Variants in TAP2 observed in about 807,000 individuals in gnomAD.
TAP2 encodes transporter 2, ATP binding cassette subfamily B member.
TAP2 carries 49 observed loss-of-function variants against 74.7 expected under a neutral mutation model. The observed-to-expected ratio is 0.66, with a 90% CI of 0.52 to 0.83. The LOEUF is 0.83. TAP2 is among the 40% of genes least tolerant of loss of function. The probability of loss-of-function intolerance (pLI) is 0.00; values close to 1 mark genes in which losing one functional copy is unlikely to be tolerated. For missense variants in TAP2, 739 were observed against 859.0 expected (o/e 0.86, Z 1.75); for synonymous variants, 306 against 368.4 (o/e 0.83, Z 1.94).
In TAP2 at chr6:32,828,956, G is replaced by C; in HGVS notation, c.2011C>G (p.Gln671Glu). ...TTGCCCTCCTGGAGCACCAGGATCT[G>C]GTGGGCGCGCTGAACTGTCTGCAGC... ...HRLQTVQRAH[Q>E]ILVLQEGKLQ... The change falls in exon 12 of 12, where the codon CAG (glutamine) becomes GAG (glutamate). Residue 671 changes from glutamine (Q) to glutamate (E), a missense_variant. Coordinates refer to ENST00000374897, the MANE Select transcript of TAP2 (RefSeq NM_001290043.2). The C allele has an allele frequency of 1.3e-6, 2 of 1,547,668 alleles. No individual in the cohort carries two copies. Among genetic ancestry groups the C allele is most frequent in the Non-Finnish European group, 1.7e-6 (2 of 1,146,360 alleles).
Position 32,832,386 on chromosome 6 carries a change from C to CT in TAP2, c.1218_1219insA (p.Gly407ArgfsTer76). On this transcript the variant is annotated frameshift_variant, in exon 7 of 12. Coordinates refer to ENST00000374897, the MANE Select transcript of TAP2 (RefSeq NM_001290043.2). LOFTEE classifies it high-confidence loss of function. This position sits in a 1 kb window ranked among gnomAD's most constrained non-coding sequence, Gnocchi z 5.9. Reference sequence around the variant, plus strand: ...TAGATCATAAAGGAAAGCAGGCTGCCCTGGGTGAGCTCCCCATCCTGCATC... The same window carrying CT: ...TAGATCATAAAGGAAAGCAGGCTGCCTCTGGGTGAGCTCCCCATCCTGCATC... 2 of 1,613,020 alleles carry CT rather than the reference C, an allele frequency of 1.2e-6. No individual in the cohort carries two copies. Among genetic ancestry groups the CT allele is most frequent in the Non-Finnish European group, 1.7e-6 (2 of 1,180,020 alleles).
intron 11 of TAP2, 107 bp from the exon 12 acceptor site, chr6:32,829,141 G>C (rs750035758): frequency 5.3e-6 from 8 of 1,507,206 alleles, no homozygotes; most frequent in Non-Finnish European, 7.1e-6. Flanking sequence ...TGAAATAAAA[G>C]AAGGTAGGAA....
chr6:32,831,787 G>A (rs552945099), intron 7 of TAP2, among the ~76,000 whole-genome samples: 1 of 152,320 alleles, frequency 6.6e-6, no homozygotes, highest in South Asian at 2.1e-4. Context: ...TAGACAGACA[G>A]ACTTAAAAGA....
At chr6:32,829,175 C>A in intron 11 of TAP2, 141 bp from the exon 12 acceptor site, 1 of 1,481,012 alleles carries the variant, frequency 6.8e-7, no homozygotes, top group South Asian at 1.3e-5. Flanking sequence ...AAGGCCTGGA[C>A]TGCCCTTCTC....
intron 1 of TAP2, 69 bp from the exon 2 acceptor site, chr6:32,838,306 G>T: frequency 1.3e-6 from 2 of 1,483,712 alleles, no homozygotes; most frequent in Non-Finnish European, 1.8e-6. Flanking sequence ...CCTCCTACCC[G>T]CCCGGCTCCG....
intron 1 of TAP2, 23 bp downstream of exon 1, chr6:32,838,630 G>A (rs772868206): frequency 3.5e-5 from 7 of 198,354 alleles, no homozygotes; most frequent in Non-Finnish European, 7.1e-5. Context: ...TGGCGCTCCA[G>A]GTTCCCCTCC....
At chr6:32,830,874 C>T (rs1554233496) in intron 7 of TAP2, 68 bp from the exon 8 acceptor site, 1 of 1,335,382 alleles carries the variant, frequency 7.5e-7, no homozygotes, top group Non-Finnish European at 1.0e-6. Context: ...CTCCCAACTC[C>T]TCACACACTC....
intron 3 of TAP2, among the ~76,000 whole-genome samples, chr6:32,836,777 T>A (rs749322080): frequency 1.4e-4 from 21 of 152,206 alleles, no homozygotes; most frequent in Non-Finnish European, 2.2e-4. Context: ...GACCTAAACT[T>A]CGTTATGCAG....
chr6:32,825,953 T>C lies in TAP2; in HGVS notation c.*2953A>G. 3.1e-6 allele frequency: 3 copies of C among 976,526 alleles called. No homozygotes were observed. Among genetic ancestry groups the C allele is most frequent in the African/African-American group, 1.8e-5 (1 of 56,988 alleles). The allele number at this position is 976,526 out of a possible 1,614,324, so 60.5% of individuals were successfully genotyped here. A position where few individuals can be genotyped will look rare whatever the true frequency, so the allele number is the denominator to read the frequency against. ...AGGTTTCAGATACTTGGCACAGCAA[T>C]AGCACATAGTAAGCACCAGTGAATG... On this transcript the variant is annotated 3_prime_UTR_variant, in exon 12 of 12. Transcript: ENST00000374897.
chr6:32,829,882 T>A (rs1768931677), intron 10 of TAP2, 48 bp downstream of exon 10: 1 of 1,610,198 alleles, frequency 6.2e-7, no homozygotes, highest in Non-Finnish European at 8.5e-7. Flanking sequence ...GTAAGTCTGA[T>A]TTTCTCTTTT....
At chr6:32,838,543 C>T in intron 1 of TAP2, 110 bp downstream of exon 1, 1 of 354,336 alleles carries the variant, frequency 2.8e-6, no homozygotes, top group Non-Finnish European at 5.1e-6. Context: ...CCGGGCTCCG[C>T]TCCCTCCTAT....
rs1769380448 is a variant in TAP2 at position 32,835,789 on chromosome 6, A to G, written c.609-16T>C. On this transcript the variant is annotated splice_polypyrimidine_tract_variant and intron_variant, in intron 3 of 11. Transcript: ENST00000374897. This position sits in a 1 kb window ranked among gnomAD's most constrained non-coding sequence, Gnocchi z 4.0. The stretch of plus-strand genomic sequence containing the variant: ...AGACAGTGAGCTGTGGGGTAGGAGA[A>G]TAAGAGGGGAGGGAGATGCAGAGAA... 1.3e-5 allele frequency: 21 copies of G among 1,613,140 alleles called. No homozygotes were observed. Among genetic ancestry groups the G allele is most frequent in the Non-Finnish European group, 1.7e-5 (20 of 1,179,996 alleles).
chr6:32,832,273 C>A lies in TAP2; in HGVS notation c.1272+60G>T. ...AAAAGAACAAATAAAGCCCAAGGCC[C>A]AGGAGTCCACAAAGAAAAAGAGAGG... On this transcript the variant is annotated intron_variant, in intron 7 of 11. Coordinates refer to ENST00000374897, the MANE Select transcript of TAP2 (RefSeq NM_001290043.2). The surrounding 1 kb of genome is among the most constrained non-coding windows in gnomAD (Gnocchi z 5.9). The A allele has an allele frequency of 6.2e-7, 1 of 1,611,476 alleles. No homozygotes were observed. Among genetic ancestry groups the A allele is most frequent in the South Asian group, 1.1e-5 (1 of 90,876 alleles).
At chr6:32,824,211 C>G (rs1768490962), downstream of TAP2, among the ~76,000 whole-genome samples, 1 of 152,004 alleles carries the variant, frequency 6.6e-6, no homozygotes. Context: ...AGTTTTATTG[C>G]TAGGTGCAAA....
chr6:32,827,979 C>A lies in TAP2; in HGVS notation c.*927G>T, dbSNP rs993643029. On this transcript the variant is annotated 3_prime_UTR_variant, in exon 12 of 12. Transcript: ENST00000374897. ...CTGAATTATTTAGAGCTAAGAGCAG[C>A]AGAGCTTTTCTTGATGGGATTATGG... The A allele has an allele frequency of 9.1e-6, 9 of 985,164 alleles. No homozygotes were observed. The African/African-American group carries it at 1.4e-4, about 15-fold the overall frequency. 61.0% of individuals were successfully genotyped at this position (985,164 alleles called of 1,614,324 possible).
chr6:32,832,269 G>A lies in TAP2; in HGVS notation c.1272+64C>T, dbSNP rs1769126735. The A allele has an allele frequency of 3.1e-6, 5 of 1,610,402 alleles. No homozygotes were observed. Among genetic ancestry groups the A allele is most frequent in the East Asian group, 2.2e-5 (1 of 44,880 alleles). On this transcript the variant is annotated intron_variant, in intron 7 of 11. Transcript: ENST00000374897. The surrounding 1 kb of genome is among the most constrained non-coding windows in gnomAD (Gnocchi z 5.9). ...GTTAAAAAGAACAAATAAAGCCCAA[G>A]GCCCAGGAGTCCACAAAGAAAAAGA...
intron 10 of TAP2, 28 bp from the exon 11 acceptor site, chr6:32,829,564 T>A (rs1349759446): frequency 6.2e-7 from 1 of 1,613,608 alleles, no homozygotes. Flanking sequence ...ATTCCCTTCC[T>A]CAGATACAAG....
rs1769503896 is a variant in TAP2 at position 32,837,636 on chromosome 6, G to A, written c.509C>T (p.Pro170Leu). The A allele has an allele frequency of 6.2e-7, 1 of 1,614,030 alleles. No homozygotes were observed. The highest frequency in any genetic ancestry group is 1.3e-5 in the African/African-American group (1 of 74,906). The change falls in exon 3 of 12, where the codon CCT becomes CTT. Residue 170 changes from proline to leucine, a missense_variant. Pro to Leu is a moderately conservative substitution (Grantham distance 98). Coordinates refer to ENST00000374897, the MANE Select transcript of TAP2 (RefSeq NM_001290043.2). ...GTCAATCACACGACCAGAATAGTGAGGGATTAATGTCTCACCTGAAAGAGG... is the reference window on the plus strand; with the variant it reads ...GTCAATCACACGACCAGAATAGTGAAGGATTAATGTCTCACCTGAAAGAGG... ...VLAVLGETLI[P>L]HYSGRVIDIL...
At chr6:32,824,353 G>T (rs1430245956), downstream of TAP2, among the ~76,000 whole-genome samples, 1 of 151,986 alleles carries the variant, frequency 6.6e-6, no homozygotes, top group Non-Finnish European at 1.5e-5. Flanking sequence ...CTGTCTTTCT[G>T]TCTTCTGTTA....
Sources: allele counts gnomAD v4.1 joint callset (sites outside exome capture counted in the v4.1 genomes callset), GRCh38; gene constraint gnomAD v4.1.1; non-coding constraint Gnocchi (gnomAD v3.1); transcripts MANE v1.5; gene names NCBI Gene and HGNC (gene_info 2026-07-23, HGNC 2026-07-21).